AUTS2: variants seen among roughly 807,000 people sequenced by gnomAD.
AUTS2 encodes activator of transcription and developmental regulator AUTS2, also known as autism susceptibility gene 2 protein.
A neutral mutation model predicts 112.4 loss-of-function variants in AUTS2; 17 were observed. That is an observed-to-expected ratio of 0.15 (90% confidence interval 0.10 to 0.23). The LOEUF (loss-of-function observed/expected upper bound fraction) is 0.23, where lower values mean the gene tolerates loss of function less well. Among genes scored for constraint, AUTS2 ranks in the 10% least tolerant of loss-of-function variants. The pLI, the probability that AUTS2 is intolerant of heterozygous loss-of-function variation, is 1.00. For missense variants in AUTS2, 1,510 were observed against 1,701.6 expected (o/e 0.89, Z 1.98); for synonymous variants, 751 against 702.7 (o/e 1.07, Z -1.09).
intron 1 of AUTS2, among the ~76,000 whole-genome samples, chr7:69,871,492 G>A (rs923102075): frequency 2.6e-5 from 4 of 152,170 alleles, no homozygotes; most frequent in African/African-American, 9.7e-5. Context: ...GCTGTGATAA[G>A]TTTAATTAGG....
chr7:70,572,698 G>A (rs1481444011), intron 5 of AUTS2, among the ~76,000 whole-genome samples: 1 of 152,158 alleles, frequency 6.6e-6, no homozygotes, highest in African/African-American at 2.4e-5. Flanking sequence ...GTGTCGGGAT[G>A]TGGTGGTTGG....
intron 1 of AUTS2, among the ~76,000 whole-genome samples, chr7:69,621,461 A>G (rs942684035): frequency 1.3e-5 from 2 of 151,622 alleles, no homozygotes; most frequent in Non-Finnish European, 1.5e-5. Flanking sequence ...CTTATTACAG[A>G]TGAGAAAATA....
intron 5 of AUTS2, among the ~76,000 whole-genome samples, chr7:70,536,147 G>A (rs1407708061): frequency 8.5e-5 from 13 of 152,110 alleles, no homozygotes; most frequent in Non-Finnish European, 1.6e-4. Flanking sequence ...GGCCAACATG[G>A]CGAAACCCTG....
At chr7:69,991,322 C>T (rs1798734411) in intron 2 of AUTS2, among the ~76,000 whole-genome samples, 1 of 152,178 alleles carries the variant, frequency 6.6e-6, no homozygotes, top group East Asian at 1.9e-4. Flanking sequence ...GAAGACAGAT[C>T]TGGGCACAGC....
intron 4 of AUTS2, among the ~76,000 whole-genome samples, chr7:70,229,765 CCT>C (rs59555159): frequency 0.08 from 12,131 of 151,890 alleles, 612 homozygotes; most frequent in African/African-American, 0.13. Context: ...ATTTTTTCCC[CCT>C]GTTCTTCAGA....
At chr7:70,756,169 A>G (rs1789183959) in intron 6 of AUTS2, among the ~76,000 whole-genome samples, 1 of 152,198 alleles carries the variant, frequency 6.6e-6, no homozygotes, top group South Asian at 2.1e-4. Context: ...GATCACACTG[A>G]TAATAGTGCA....
chr7:69,806,134 G>A (rs573046782), intron 1 of AUTS2, among the ~76,000 whole-genome samples: 1 of 149,710 alleles, frequency 6.7e-6, no homozygotes, highest in Non-Finnish European at 1.5e-5. Context: ...GGTCTCAAGC[G>A]GTCTTCCTAC....
At chr7:70,591,017 A>G (rs1009344106) in intron 5 of AUTS2, among the ~76,000 whole-genome samples, 11 of 152,176 alleles carry the variant, frequency 7.2e-5, no homozygotes, top group African/African-American at 2.7e-4. Context: ...CAGATTTACA[A>G]TTTTACCTAG....
chr7:70,618,826 G>A (rs1052780193), intron 5 of AUTS2, among the ~76,000 whole-genome samples: 5 of 152,160 alleles, frequency 3.3e-5, no homozygotes, highest in East Asian at 1.9e-4. Context: ...AAAAGCTCTC[G>A]AACAGCAGCC....
At chr7:70,559,337 C>CTT (rs560110467) in intron 5 of AUTS2, among the ~76,000 whole-genome samples, 2,314 of 145,040 alleles carry the variant, frequency 0.016, 63 homozygotes, top group African/African-American at 0.055. Flanking sequence ...TCCTTTCTTT[C>CTT]TTTTTTTTTT....
intron 1 of AUTS2, among the ~76,000 whole-genome samples, chr7:69,862,550 C>CT (rs1050383416): frequency 6.6e-6 from 1 of 151,760 alleles, no homozygotes; most frequent in Non-Finnish European, 1.5e-5. Flanking sequence ...ATCTCTTTTG[C>CT]TTTTTTTTAG....
rs1797628161 is a variant in AUTS2, at chr7:70,477,531, A to G, written c.690+41750A>G. On this transcript the variant is annotated intron_variant, in intron 5 of 18. Coordinates refer to ENST00000342771, the MANE Select transcript of AUTS2 (RefSeq NM_015570.4). Reference sequence around the variant, plus strand: ...CCTGGCCAGAGGCTGTGAACTTTGCACAGAGGGCATCATCAGAATCACCCT... The same window carrying G: ...CCTGGCCAGAGGCTGTGAACTTTGCGCAGAGGGCATCATCAGAATCACCCT... Among the ~76,000 whole-genome samples, 4 of 152,182 alleles carry G rather than the reference A, an allele frequency of 2.6e-5. No individual in the cohort carries two copies. The South Asian group carries it at 8.3e-4, about 32-fold the overall frequency.
chr7:69,602,038 ATATGTGTGTGTGTGTGTGTG>A (rs1792456984), intron 1 of AUTS2, among the ~76,000 whole-genome samples: 2 of 10,046 alleles, frequency 2.0e-4, no homozygotes, highest in African/African-American at 4.2e-4. Flanking sequence ...ATATATATAT[ATATGTGTGTGTGTGTGTGTG>A]TGTGTGTGTG....
At chr7:70,526,532 C>T (rs189714184) in intron 5 of AUTS2, among the ~76,000 whole-genome samples, 10 of 152,236 alleles carry the variant, frequency 6.6e-5, no homozygotes, top group Admixed American at 3.9e-4. Flanking sequence ...ATTAGCCAGG[C>T]GTGGTGGCAC....
chr7:69,936,844 A>G (rs903013340), intron 2 of AUTS2, among the ~76,000 whole-genome samples: 2 of 152,142 alleles, frequency 1.3e-5, no homozygotes, highest in African/African-American at 4.8e-5. Context: ...TTATCTCACT[A>G]AACTTGAGAA....
chr7:69,946,481 A>G (rs894971722), intron 2 of AUTS2, among the ~76,000 whole-genome samples: 5 of 151,926 alleles, frequency 3.3e-5, no homozygotes, highest in Admixed American at 3.3e-4. Context: ...TTATGGCATT[A>G]TTCATAATAG....
chr7:69,972,670 CAT>C (rs1491164775), intron 2 of AUTS2, among the ~76,000 whole-genome samples: 4,532 of 111,602 alleles, frequency 0.041, 82 homozygotes, highest in Non-Finnish European at 0.051. Flanking sequence ...TGTGTGCGTG[CAT>C]GTGTGTGTGT....
intron 1 of AUTS2, among the ~76,000 whole-genome samples, chr7:69,853,918 A>G (rs939812613): frequency 1.3e-5 from 2 of 152,162 alleles, no homozygotes; most frequent in Non-Finnish European, 2.9e-5. Context: ...TTTAAATTCT[A>G]TTTGGACATC....
At chr7:69,864,560 A>T (rs1793134740) in intron 1 of AUTS2, among the ~76,000 whole-genome samples, 1 of 152,194 alleles carries the variant, frequency 6.6e-6, no homozygotes, top group African/African-American at 2.4e-5. Context: ...TCAGGATTCA[A>T]ATAATAAAAG....
Sources: gnomAD v4.1 joint callset for allele counts (sites outside exome capture counted in the v4.1 genomes callset) on GRCh38, gnomAD v4.1.1 for gene constraint, MANE v1.5 for transcripts, NCBI Gene and HGNC (gene_info 2026-07-23, HGNC 2026-07-21) for gene names.